The following PUM2 variants were observed in gnomAD, a reference collection of about 807,000 sequenced individuals.
PUM2 encodes pumilio homolog 2.
In PUM2, 57 loss-of-function variants were observed where a neutral mutation model predicts 124.5. The observed-to-expected ratio is 0.46, with a 90% CI of 0.37 to 0.57. The LOEUF (loss-of-function observed/expected upper bound fraction) is 0.57. PUM2 is among the 20% of genes least tolerant of loss of function. The pLI, the probability that PUM2 is intolerant of heterozygous loss-of-function variation, is 0.00. For missense variants in PUM2, 1,065 were observed against 1,290.6 expected, an observed-to-expected ratio of 0.83 and a Z score of 2.68; for synonymous variants, 460 against 446.1, an observed-to-expected ratio of 1.03 and a Z score of -0.39.
intron 13 of PUM2, among the ~76,000 whole-genome samples, chr2:20,268,338 G>C (rs932883805): frequency 2.0e-5 from 3 of 152,168 alleles, no homozygotes; most frequent in African/African-American, 7.2e-5. Context: ...TATGCCCCAT[G>C]CGGTGGCTCA....
chr2:20,255,994 T>C (rs1354889596), intron 17 of PUM2, 39 bp downstream of exon 17: 1 of 1,492,200 alleles, frequency 6.7e-7, no homozygotes, highest in Non-Finnish European at 8.9e-7. Flanking sequence ...TCTAAAATAA[T>C]GCCCTGCTAA....
At chr2:20,290,112 G>A (rs1423020159) in intron 10 of PUM2, among the ~76,000 whole-genome samples, 1 of 152,134 alleles carries the variant, frequency 6.6e-6, no homozygotes, top group Non-Finnish European at 1.5e-5. Flanking sequence ...CAGTAGCAAT[G>A]GGTAGAAATT....
At chr2:20,268,762 T>C (rs1668322620) in intron 13 of PUM2, among the ~76,000 whole-genome samples, 2 of 152,186 alleles carry the variant, frequency 1.3e-5, no homozygotes, top group African/African-American at 4.8e-5. Flanking sequence ...CAGATTAATA[T>C]ATAAATGACT....
At chr2:20,255,032 A>C in intron 18 of PUM2, 48 bp from the exon 19 acceptor site, 1 of 1,571,962 alleles carries the variant, frequency 6.4e-7, no homozygotes, top group Non-Finnish European at 8.7e-7. Flanking sequence ...TTCCTTAAGA[A>C]TGATATTCTT....
chr2:20,347,580 C>T (rs1398010280), intron 1 of PUM2, among the ~76,000 whole-genome samples: 1 of 152,144 alleles, frequency 6.6e-6, no homozygotes, highest in Non-Finnish European at 1.5e-5. Context: ...ATATATATTG[C>T]CAAATATAAA....
intron 6 of PUM2, 42 bp downstream of exon 6, chr2:20,308,272 T>C (rs910268987): frequency 1.3e-6 from 2 of 1,593,112 alleles, no homozygotes; most frequent in Admixed American, 3.4e-5. Context: ...TAAACCAGTA[T>C]ACAGTTAAGA....
intron 15 of PUM2, 35 bp downstream of exon 15, chr2:20,260,302 G>A: frequency 6.4e-7 from 1 of 1,572,230 alleles, no homozygotes; most frequent in African/African-American, 1.4e-5. Flanking sequence ...ACAACAGCTG[G>A]ATGGGCGGAT....
At chr2:20,269,149 A>G (rs1349035752) in intron 13 of PUM2, among the ~76,000 whole-genome samples, 1 of 152,124 alleles carries the variant, frequency 6.6e-6, no homozygotes, top group Admixed American at 6.5e-5. Flanking sequence ...TAAGTCTGCA[A>G]AATGACTGAA....
rs548230806 is a variant in PUM2 at position 20,338,113 on chromosome 2, T to C, written c.-18-10735A>G. Among the ~76,000 whole-genome samples, 5 of 152,222 alleles carry C rather than the reference T, an allele frequency of 3.3e-5. No individual in the cohort carries two copies. The South Asian group carries it at 1.0e-3, about 32-fold the overall frequency. On this transcript the variant is annotated intron_variant, in intron 1 of 20. Coordinates refer to ENST00000361078, the MANE Select transcript of PUM2 (RefSeq NM_015317.5). ...CAAGCTAATGCCAATTACGCTACTC[T>C]CTAAAAGACGTGGTGGCTCACGCCT...
At chr2:20,306,940 G>A (rs1006011688) in intron 7 of PUM2, among the ~76,000 whole-genome samples, 6 of 151,964 alleles carry the variant, frequency 3.9e-5, no homozygotes, top group East Asian at 3.9e-4. Context: ...TAGGCCAGAC[G>A]CGGTGGCTCA....
intron 12 of PUM2, among the ~76,000 whole-genome samples, chr2:20,282,151 G>GT (rs1169701078): frequency 6.6e-6 from 1 of 152,134 alleles, no homozygotes; most frequent in Non-Finnish European, 1.5e-5. Flanking sequence ...TTTCCCTAAT[G>GT]TTTCCTGAGT....
chr2:20,284,832 T>C (rs1558548693), intron 10 of PUM2, among the ~76,000 whole-genome samples: 1 of 152,226 alleles, frequency 6.6e-6, no homozygotes, highest in Non-Finnish European at 1.5e-5. Flanking sequence ...ACACTTCACC[T>C]GTAAGACACA....
At chr2:20,306,987 G>C (rs541537323) in intron 7 of PUM2, among the ~76,000 whole-genome samples, 23 of 151,998 alleles carry the variant, frequency 1.5e-4, no homozygotes, top group East Asian at 9.8e-4. Flanking sequence ...GCCGAGGGGG[G>C]GCTGATCACC....
intron 1 of PUM2, among the ~76,000 whole-genome samples, chr2:20,336,721 G>C (rs1164548097): frequency 7.4e-6 from 1 of 135,598 alleles, no homozygotes; most frequent in East Asian, 2.1e-4. Context: ...GTTACAGACG[G>C]GGTCTCACCA....
intron 7 of PUM2, among the ~76,000 whole-genome samples, chr2:20,302,756 T>C (rs1465872662): frequency 6.6e-6 from 1 of 152,226 alleles, no homozygotes; most frequent in Non-Finnish European, 1.5e-5. Flanking sequence ...GTTTGCAGGA[T>C]GGCAGATATG....
chr2:20,351,437 G>C (rs1336393982), upstream of PUM2, among the ~76,000 whole-genome samples: 3 of 152,242 alleles, frequency 2.0e-5, no homozygotes, highest in Non-Finnish European at 4.4e-5. Flanking sequence ...GGTGGAGCCA[G>C]CTCTCAGCAA....
chr2:20,287,418 C>T (rs905804046), intron 10 of PUM2, among the ~76,000 whole-genome samples: 11 of 151,974 alleles, frequency 7.2e-5, no homozygotes, highest in African/African-American at 2.7e-4. Context: ...GATAGTTAAT[C>T]ACAAAATGTT....
In PUM2 at chr2:20,283,916, C is replaced by T. The variant is rs112439282; in HGVS notation, c.1292-430G>A. Among the ~76,000 whole-genome samples, 190 of 152,216 alleles carry T rather than the reference C, an allele frequency of 1.2e-3. 6 individuals are homozygous for T. Among genetic ancestry groups the T allele is most frequent in the Non-Finnish European group, 3.1e-4 (21 of 68,032 alleles). ...AATCAAGTGCCTCATTACCAGCATT[C>T]CGTTAGATTTTCATTTGTAATCATC... On this transcript the variant is annotated intron_variant, in intron 10 of 20. Coordinates refer to ENST00000361078, the MANE Select transcript of PUM2 (RefSeq NM_015317.5).
At chr2:20,308,187 G>C (rs1047463426) in intron 6 of PUM2, 116 bp from the exon 7 acceptor site, 1 of 1,467,712 alleles carries the variant, frequency 6.8e-7, no homozygotes, top group Non-Finnish European at 9.2e-7. Context: ...TCAAATACAG[G>C]ACACTTTAAT....
Sources: gnomAD v4.1 joint callset for allele counts (sites outside exome capture counted in the v4.1 genomes callset) on GRCh38, gnomAD v4.1.1 for gene constraint, MANE v1.5 for transcripts, NCBI Gene and HGNC (gene_info 2026-07-23, HGNC 2026-07-21) for gene names.